The following CLSTN2 variants were observed in gnomAD, a reference collection of about 807,000 sequenced individuals.
CLSTN2 encodes the protein calsyntenin-2.
CLSTN2 carries 48 observed loss-of-function variants against 101.2 expected under a neutral mutation model. That is an observed-to-expected ratio of 0.47 (90% CI 0.38 to 0.60). CLSTN2 has a LOEUF of 0.60. CLSTN2 is among the 20% of genes least tolerant of loss of function. The probability of loss-of-function intolerance (pLI) is 0.00; values close to 1 mark genes in which losing one functional copy is unlikely to be tolerated. For synonymous variants in CLSTN2, 481 were observed against 463.6 expected (o/e 1.04, Z -0.48); for missense variants, 1,160 against 1,238.2 (o/e 0.94, Z 0.95).
intron 1 of CLSTN2, among the ~76,000 whole-genome samples, chr3:140,139,987 A>G (rs1483669735): frequency 1.3e-5 from 2 of 152,216 alleles, no homozygotes; most frequent in Non-Finnish European, 2.9e-5. Context: ...CTTAGAGCCT[A>G]CAGAGGGGTC....
At chr3:140,359,097 A>G (rs1234463841) in intron 2 of CLSTN2, among the ~76,000 whole-genome samples, 1 of 151,312 alleles carries the variant, frequency 6.6e-6, no homozygotes, top group African/African-American at 2.4e-5. Context: ...CCCGTGAACT[A>G]TTGCCAGAAG....
intron 2 of CLSTN2, among the ~76,000 whole-genome samples, chr3:140,349,051 G>T (rs1449720794): frequency 6.6e-6 from 1 of 152,196 alleles, no homozygotes; most frequent in African/African-American, 2.4e-5. Flanking sequence ...TGATTAGATC[G>T]TGGGGGTGGT....
intron 2 of CLSTN2, among the ~76,000 whole-genome samples, chr3:140,245,025 C>T (rs939644700): frequency 6.6e-6 from 1 of 152,204 alleles, no homozygotes; most frequent in Admixed American, 6.5e-5. Context: ...ACTTGCCTCC[C>T]TCATACCACA....
intron 2 of CLSTN2, among the ~76,000 whole-genome samples, chr3:140,383,409 T>C (rs966217722): frequency 4.6e-5 from 7 of 152,186 alleles, no homozygotes; most frequent in African/African-American, 1.7e-4. Context: ...AAGATTTAAG[T>C]GATTGAATTC....
chr3:140,075,849 A>G (rs1217510927), intron 1 of CLSTN2, among the ~76,000 whole-genome samples: 1 of 151,494 alleles, frequency 6.6e-6, no homozygotes, highest in African/African-American at 2.4e-5. Context: ...CCGTGTCATC[A>G]TGTCTCAGGT....
intron 2 of CLSTN2, among the ~76,000 whole-genome samples, chr3:140,221,040 T>G (rs1254311266): frequency 6.6e-6 from 1 of 152,244 alleles, no homozygotes; most frequent in Non-Finnish European, 1.5e-5. Flanking sequence ...GGCAGAAACA[T>G]TCTGCTGCTG....
chr3:140,521,856 G>A (rs550910247), intron 8 of CLSTN2, among the ~76,000 whole-genome samples: 27 of 152,286 alleles, frequency 1.8e-4, no homozygotes, highest in East Asian at 1.2e-3. Flanking sequence ...GTAAGGTGCC[G>A]TTGAAGTGGG....
chr3:140,338,846 C>A lies in CLSTN2; in HGVS notation c.233-64783C>A, dbSNP rs868173566. ...CAGCACCCTCCTTGCCCCCTTATAGCCTGGCTAGCTGCTACCTTAATCCAA... is the reference window on the plus strand; with the variant it reads ...CAGCACCCTCCTTGCCCCCTTATAGACTGGCTAGCTGCTACCTTAATCCAA... On this transcript the variant is annotated intron_variant, in intron 2 of 16. Transcript: ENST00000458420. Among the ~76,000 whole-genome samples the A allele has an allele frequency of 5.3e-5, 8 of 152,314 alleles. No homozygotes were observed. The South Asian group carries it at 1.7e-3, about 32-fold the overall frequency.
chr3:140,024,800 G>A (rs573721634), intron 1 of CLSTN2, among the ~76,000 whole-genome samples: 2 of 152,296 alleles, frequency 1.3e-5, no homozygotes, highest in Non-Finnish European at 2.9e-5. Flanking sequence ...AAATGGAGTG[G>A]TAATTCTTGT....
intron 2 of CLSTN2, among the ~76,000 whole-genome samples, chr3:140,211,018 A>G (rs1328220529): frequency 1.3e-5 from 2 of 152,096 alleles, no homozygotes; most frequent in Non-Finnish European, 2.9e-5. Context: ...GATTTTAAAG[A>G]AAGATTTTGT....
intron 1 of CLSTN2, among the ~76,000 whole-genome samples, chr3:140,141,719 G>T (rs962411702): frequency 6.6e-6 from 1 of 152,164 alleles, no homozygotes; most frequent in Non-Finnish European, 1.5e-5. Flanking sequence ...GCCCTCCTCA[G>T]ACCTGGCACA....
intron 8 of CLSTN2, among the ~76,000 whole-genome samples, chr3:140,481,710 AT>A (rs1934121756): frequency 6.6e-6 from 1 of 152,160 alleles, no homozygotes; most frequent in Non-Finnish European, 1.5e-5. Flanking sequence ...CTTTGAAGCA[AT>A]TGTGAATGGG....
chr3:140,400,432 G>A (rs947378942), intron 2 of CLSTN2, among the ~76,000 whole-genome samples: 4 of 152,156 alleles, frequency 2.6e-5, no homozygotes, highest in Admixed American at 2.6e-4. Flanking sequence ...TGAGCACAGT[G>A]GCTCACACCT....
chr3:140,458,006 C>A (rs1000589075), intron 6 of CLSTN2, among the ~76,000 whole-genome samples: 2 of 152,192 alleles, frequency 1.3e-5, no homozygotes, highest in African/African-American at 2.4e-5. Context: ...ATGCTCTTCA[C>A]ATAGCATAAC....
chr3:140,176,035 TG>T lies in CLSTN2; in HGVS notation c.196del (p.Val66Ter). 1 of 1,613,908 alleles carries T rather than the reference TG, an allele frequency of 6.2e-7. No individual in the cohort carries two copies. Among genetic ancestry groups the T allele is most frequent in the Non-Finnish European group, 8.5e-7 (1 of 1,179,844 alleles). ...NNDTVILDPP[L>X]VALDKDAPVP... is the part of the protein sequence containing the mutation. ...GACACAGTCATTTTGGACCCACCAC[TG>T]GTAGCCCTGGATAAAGATGCACCGG... On this transcript the variant is annotated frameshift_variant, in exon 2 of 17. Coordinates refer to ENST00000458420, the MANE Select transcript of CLSTN2 (RefSeq NM_022131.3). LOFTEE classifies it high-confidence loss of function.
At chr3:140,081,135 C>T (rs960975507) in intron 1 of CLSTN2, among the ~76,000 whole-genome samples, 3 of 152,154 alleles carry the variant, frequency 2.0e-5, no homozygotes, top group Admixed American at 2.0e-4. Flanking sequence ...GATGTGTGAG[C>T]AAGTGATGGT....
intron 8 of CLSTN2, among the ~76,000 whole-genome samples, chr3:140,499,827 G>A (rs1934537917): frequency 6.6e-6 from 1 of 152,170 alleles, no homozygotes; most frequent in Non-Finnish European, 1.5e-5. Flanking sequence ...CACCTTGGGA[G>A]GCCAAGGCAG....
At chr3:140,286,894 G>A (rs974979193) in intron 2 of CLSTN2, among the ~76,000 whole-genome samples, 1 of 152,146 alleles carries the variant, frequency 6.6e-6, no homozygotes, top group African/African-American at 2.4e-5. Flanking sequence ...TTCAGGACAT[G>A]AACAGAAGCA....
intron 1 of CLSTN2, among the ~76,000 whole-genome samples, chr3:140,098,731 A>G (rs758061892): frequency 1.3e-5 from 2 of 152,186 alleles, no homozygotes; most frequent in African/African-American, 2.4e-5. Flanking sequence ...TCTGCCTCCC[A>G]TCTGGTTTCC....
Sources: gnomAD v4.1 joint callset for allele counts (sites outside exome capture counted in the v4.1 genomes callset) on GRCh38, gnomAD v4.1.1 for gene constraint, MANE v1.5 for transcripts, NCBI Gene and HGNC (gene_info 2026-07-23, HGNC 2026-07-21) for gene names.